The following SLC44A4 variants were observed in gnomAD, a reference collection of about 807,000 sequenced individuals.
SLC44A4 encodes choline transporter-like protein 4.
SLC44A4 carries 74 observed loss-of-function variants against 97.0 expected under a neutral mutation model. That is an observed-to-expected ratio of 0.76 (90% CI 0.63 to 0.93). The LOEUF is 0.93. Among genes scored for constraint, SLC44A4 ranks in the 40% least tolerant of loss-of-function variants. The probability of loss-of-function intolerance (pLI) is 0.00; values close to 1 mark genes in which losing one functional copy is unlikely to be tolerated. For synonymous variants in SLC44A4, 325 were observed against 363.8 expected, an observed-to-expected ratio of 0.89 and a Z score of 1.21; for missense variants, 799 against 902.9, an observed-to-expected ratio of 0.88 and a Z score of 1.48.
At chr6:31,867,315 G>A (rs1038571562) in intron 13 of SLC44A4, among the ~76,000 whole-genome samples, 9 of 150,568 alleles carry the variant, frequency 6.0e-5, no homozygotes, top group Non-Finnish European at 1.3e-4. Flanking sequence ...GGTTGGTCTC[G>A]AACTCTGGAC....
rs764434149 is a variant in SLC44A4, at chr6:31,865,548, A to G, written c.1636T>C (p.Trp546Arg). The change falls in exon 16 of 21, where the codon TGG becomes CGG. Residue 546 changes from tryptophan (W) to arginine (R), a missense_variant. Trp to Arg is a moderately radical substitution (Grantham distance 101). Coordinates refer to ENST00000229729, the MANE Select transcript of SLC44A4 (RefSeq NM_025257.3). The surrounding 1 kb of genome is among the most constrained non-coding windows in gnomAD (Gnocchi z 5.2). ...AACTTGATAAATTTTTCCAGACACC[A>G]GAGGCAGCACTTGAAACAGCACATG... ...CIMCCFKCCL[W>R]CLEKFIKFLN... 1.3e-6 allele frequency: 2 copies of G among 1,599,462 alleles called. No homozygotes were observed. The highest frequency in any genetic ancestry group is 2.2e-5 in the South Asian group (2 of 89,834).
intron 13 of SLC44A4, among the ~76,000 whole-genome samples, chr6:31,866,859 A>G (rs896883724): frequency 1.9e-4 from 29 of 151,090 alleles, no homozygotes; most frequent in Admixed American, 7.9e-4. Context: ...GCGCCACTGC[A>G]CTCCAGCCTG....
rs368048058 is a variant in SLC44A4 at position 31,878,931 on chromosome 6, C to G, written c.40+10G>C. On this transcript the variant is annotated intron_variant, in intron 1 of 20. Coordinates refer to ENST00000229729, the MANE Select transcript of SLC44A4 (RefSeq NM_025257.3). The surrounding 1 kb of genome is among the most constrained non-coding windows in gnomAD (Gnocchi z 4.0). Reference sequence around the variant, plus strand: ...CCTCCACAGGGTCCCGGGCCTCGCCCCAGTCTCACCGTAGGCCTCGTCATC... The same window carrying G: ...CCTCCACAGGGTCCCGGGCCTCGCCGCAGTCTCACCGTAGGCCTCGTCATC... 109 of 1,613,796 alleles carry G rather than the reference C, an allele frequency of 6.8e-5. No homozygotes were observed. The highest frequency in any genetic ancestry group is 9.2e-5 in the Non-Finnish European group (109 of 1,179,904).
intron 13 of SLC44A4, among the ~76,000 whole-genome samples, chr6:31,867,388 C>T (rs967964281): frequency 2.6e-5 from 4 of 151,756 alleles, no homozygotes; most frequent in Admixed American, 6.6e-5. Flanking sequence ...CCACTGCGCG[C>T]GGCCTTCTGT....
At chr6:31,869,108 C>A in intron 13 of SLC44A4, 47 bp downstream of exon 13, 1 of 1,488,188 alleles carries the variant, frequency 6.7e-7, no homozygotes, top group South Asian at 1.3e-5. Flanking sequence ...CCCCTACAGC[C>A]CCTCACCCCT....
intron 20 of SLC44A4, 49 bp from the exon 21 acceptor site, chr6:31,863,797 C>T (rs1005022255): frequency 6.2e-7 from 1 of 1,608,238 alleles, no homozygotes; most frequent in Non-Finnish European, 8.5e-7. Context: ...GCCAGGAAAT[C>T]GGGGACTGGG....
Position 31,874,711 on chromosome 6 carries a change from C to A in SLC44A4, c.468+10G>T. On this transcript the variant is annotated intron_variant, in intron 6 of 20. Coordinates refer to ENST00000229729, the MANE Select transcript of SLC44A4 (RefSeq NM_025257.3). The surrounding 1 kb of genome is among the most constrained non-coding windows in gnomAD (Gnocchi z 4.8). Reference sequence around the variant, plus strand: ...TGGGCGACAGTGATGAGGTTAGGGGCAATATTCACCATATTCCAGGGTACC... The same window carrying A: ...TGGGCGACAGTGATGAGGTTAGGGGAAATATTCACCATATTCCAGGGTACC... The A allele has an allele frequency of 6.2e-7, 1 of 1,604,564 alleles. No homozygotes were observed. Among genetic ancestry groups the A allele is most frequent in the Non-Finnish European group, 8.5e-7 (1 of 1,175,616 alleles).
At chr6:31,868,186 T>C (rs1208793949) in intron 13 of SLC44A4, among the ~76,000 whole-genome samples, 1 of 151,996 alleles carries the variant, frequency 6.6e-6, no homozygotes, top group Non-Finnish European at 1.5e-5. Flanking sequence ...TCAGACGAGG[T>C]GAAGATATGA....
chr6:31,866,226 G>T, intron 13 of SLC44A4, 100 bp from the exon 14 acceptor site: 1 of 1,449,778 alleles, frequency 6.9e-7, no homozygotes, highest in Non-Finnish European at 9.3e-7. Flanking sequence ...TCCCAGAGTT[G>T]ACAGGTGGGA....
At chr6:31,869,036 G>A in intron 13 of SLC44A4, 119 bp downstream of exon 13, 1 of 755,832 alleles carries the variant, frequency 1.3e-6, no homozygotes, top group South Asian at 2.1e-5. Flanking sequence ...TTGAGTGTGT[G>A]ACCTTGCACA....
At chr6:31,875,379 T>G (rs1763389119) in intron 4 of SLC44A4, among the ~76,000 whole-genome samples, 1 of 152,228 alleles carries the variant, frequency 6.6e-6, no homozygotes, top group South Asian at 2.1e-4. Flanking sequence ...CGCTTGTGTG[T>G]GTAAAGTTTA....
At position 31,877,123 on chromosome 6, in the gene SLC44A4, C is replaced by A; in HGVS notation, c.41-41G>T. On this transcript the variant is annotated intron_variant, in intron 1 of 20. Transcript: ENST00000229729. The surrounding 1 kb of genome is among the most constrained non-coding windows in gnomAD (Gnocchi z 6.5). ...AGAGGTGTGGAGGATGAGTCTCTCT[C>A]TGCATATCTTGTCCTGCTGAGTCCT... 6.3e-7 allele frequency: 1 copy of A among 1,590,630 alleles called. No homozygotes were observed. The highest frequency in any genetic ancestry group is 8.6e-7 in the Non-Finnish European group (1 of 1,166,530).
chr6:31,878,992 C>T lies in SLC44A4; in HGVS notation c.-12G>A, dbSNP rs777899174. ...TGCTTTCCCCCCATGGCTCAGTCTC[C>T]GGAGTGATTGGAGCCCTGGAGACCT... On this transcript the variant is annotated 5_prime_UTR_variant, in exon 1 of 21. Transcript: ENST00000229729. The surrounding 1 kb of genome is among the most constrained non-coding windows in gnomAD (Gnocchi z 4.0). 17 of 1,613,116 alleles carry T rather than the reference C, an allele frequency of 1.1e-5. No homozygotes were observed. The highest frequency in any genetic ancestry group is 4.5e-5 in the East Asian group (2 of 44,878).
chr6:31,874,532 G>C lies in SLC44A4; in HGVS notation c.469-12C>G. 6.2e-7 allele frequency: 1 copy of C among 1,612,238 alleles called. No individual in the cohort carries two copies. Among genetic ancestry groups the C allele is most frequent in the East Asian group, 2.2e-5 (1 of 44,892 alleles). ...CTTGTGATCACCGTCTGTGGCAGGA[G>C]TGAAAGGACAGACACACAGACACAG... is the stretch of plus-strand genomic sequence containing the variant. On this transcript the variant is annotated splice_polypyrimidine_tract_variant and intron_variant, in intron 6 of 20. Coordinates refer to ENST00000229729, the MANE Select transcript of SLC44A4 (RefSeq NM_025257.3). This position sits in a 1 kb window ranked among gnomAD's most constrained non-coding sequence, Gnocchi z 4.8.
chr6:31,863,897 G>C, intron 20 of SLC44A4, 149 bp from the exon 21 acceptor site: 3 of 1,029,740 alleles, frequency 2.9e-6, no homozygotes, highest in Non-Finnish European at 4.3e-6. Context: ...CTCCTGTGAA[G>C]TGGGGTCGGG....
Position 31,865,883 on chromosome 6 carries a change from G to A in SLC44A4, c.1477C>T (p.Arg493Cys), listed in dbSNP as rs6915800. 1.6e-3 allele frequency: 2,573 copies of A among 1,614,178 alleles called. 32 individuals carry two copies. In the African/African-American group the frequency reaches 0.026, roughly 16 times the overall value. The change falls in exon 14 of 21, where the codon CGC becomes TGC. Residue 493 changes from arginine (R) to cysteine (C), a missense_variant. Transcript: ENST00000229729. This position sits in a 1 kb window ranked among gnomAD's most constrained non-coding sequence, Gnocchi z 5.2. ...CTGCCCCATCCTTACCGGAGTGTGCGGATGAAGGCAGAGATTAAGGGGAAG... is the reference window on the plus strand; with the variant it reads ...CTGCCCCATCCTTACCGGAGTGTGCAGATGAAGGCAGAGATTAAGGGGAAG... ...PTFPLISAFIRTLRYHTGSLA... is the reference protein window; with the variant it reads ...PTFPLISAFICTLRYHTGSLA...
intron 11 of SLC44A4, 32 bp from the exon 12 acceptor site, chr6:31,869,669 G>T: frequency 6.5e-7 from 1 of 1,539,648 alleles, no homozygotes; most frequent in Non-Finnish European, 8.8e-7. Flanking sequence ...AACCGGCACC[G>T]CCCCAGCTGT....
chr6:31,873,788 G>A (rs960489792), intron 7 of SLC44A4, among the ~76,000 whole-genome samples: 9 of 151,516 alleles, frequency 5.9e-5, no homozygotes, highest in African/African-American at 2.2e-4. Flanking sequence ...AATGATATGT[G>A]TGCAGGCTGG....
intron 7 of SLC44A4, among the ~76,000 whole-genome samples, chr6:31,873,024 C>G (rs1236767295): frequency 1.3e-5 from 2 of 151,392 alleles, no homozygotes; most frequent in Admixed American, 1.3e-4. Flanking sequence ...TTTCAGGTGC[C>G]CACCACCACA....
Sources: allele counts gnomAD v4.1 joint callset (sites outside exome capture counted in the v4.1 genomes callset), GRCh38; gene constraint gnomAD v4.1.1; non-coding constraint Gnocchi (gnomAD v3.1); transcripts MANE v1.5; gene names NCBI Gene and HGNC (gene_info 2026-07-23, HGNC 2026-07-21).